Variants in DCDC1 observed in about 807,000 individuals in gnomAD.
DCDC1 encodes the protein doublecortin domain-containing protein 1.
DCDC1 carries 200 observed loss-of-function variants against 178.3 expected under a neutral mutation model. The ratio of observed to expected loss-of-function variants is 1.12; its 90% CI spans 1.00 to 1.26. The LOEUF (loss-of-function observed/expected upper bound fraction) is 1.26, where lower values mean the gene tolerates loss of function less well. Ranked by LOEUF, DCDC1 falls within the 50% of genes most tolerant of loss-of-function variation. The pLI is 0.00. For missense variants in DCDC1, 1,983 were observed against 1,749.2 expected (o/e 1.13, Z -2.38); for synonymous variants, 690 against 604.8 (o/e 1.14, Z -2.07).
intron 34 of DCDC1, among the ~76,000 whole-genome samples, chr11:30,898,931 C>T (rs2134094972): frequency 6.6e-6 from 1 of 152,230 alleles, no homozygotes; most frequent in East Asian, 1.9e-4. Context: ...ATTTGTATCT[C>T]AAGTCCTGGG....
chr11:31,271,869 G>A (rs554088032), intron 7 of DCDC1, among the ~76,000 whole-genome samples: 8 of 151,988 alleles, frequency 5.3e-5, no homozygotes, highest in South Asian at 2.1e-4. Flanking sequence ...CTTATAAAAC[G>A]ATCAGACCTC....
chr11:31,325,904 A>C (rs1157949581), intron 3 of DCDC1, among the ~76,000 whole-genome samples: 1 of 152,070 alleles, frequency 6.6e-6, no homozygotes, highest in African/African-American at 2.4e-5. Flanking sequence ...AACCTCAATC[A>C]GGGGGGAAAT....
intron 37 of DCDC1, among the ~76,000 whole-genome samples, chr11:30,879,713 T>C (rs76756443): frequency 0.017 from 2,650 of 152,294 alleles, 80 homozygotes; most frequent in African/African-American, 0.061. Context: ...AAGAGCAATA[T>C]TTGCATTTCC....
intron 20 of DCDC1, among the ~76,000 whole-genome samples, chr11:31,004,191 T>C (rs1287098783): frequency 6.6e-6 from 1 of 152,222 alleles, no homozygotes; most frequent in African/African-American, 2.4e-5. Flanking sequence ...ACAACACATT[T>C]AGTTTTATGC....
At chr11:31,177,000 A>C (rs1319268823) in intron 9 of DCDC1, among the ~76,000 whole-genome samples, 1 of 152,180 alleles carries the variant, frequency 6.6e-6, no homozygotes, top group Non-Finnish European at 1.5e-5. Flanking sequence ...AATCAAACTC[A>C]TAATACCCCA....
chr11:31,197,234 C>T (rs567944745), intron 9 of DCDC1, among the ~76,000 whole-genome samples: 73 of 152,084 alleles, frequency 4.8e-4, no homozygotes, highest in Middle Eastern at 6.8e-3. Context: ...ACTACACATT[C>T]AACATAAAAA....
At chr11:30,963,813 T>C (rs1011738745) in intron 20 of DCDC1, among the ~76,000 whole-genome samples, 5 of 152,130 alleles carry the variant, frequency 3.3e-5, no homozygotes, top group Admixed American at 1.3e-4. Flanking sequence ...TAGTATAATC[T>C]TGGGTTTTTT....
intron 9 of DCDC1, among the ~76,000 whole-genome samples, chr11:31,224,702 T>C (rs1338289289): frequency 6.6e-6 from 1 of 151,822 alleles, no homozygotes; most frequent in African/African-American, 2.4e-5. Flanking sequence ...GAAAAGGACA[T>C]AAATAGACAA....
intron 20 of DCDC1, among the ~76,000 whole-genome samples, chr11:31,027,290 T>C (rs766667693): frequency 5.9e-5 from 9 of 151,868 alleles, no homozygotes; most frequent in Non-Finnish European, 1.3e-4. Flanking sequence ...ATAATATTCA[T>C]GTTGCCTAAA....
At chr11:30,983,563 TATC>T (rs1481386925) in intron 20 of DCDC1, among the ~76,000 whole-genome samples, 1 of 152,202 alleles carries the variant, frequency 6.6e-6, no homozygotes, top group African/African-American at 2.4e-5. Flanking sequence ...TTTTTTCAAA[TATC>T]ATTATTCAGA....
chr11:31,233,351 C>T (rs1276619188), intron 9 of DCDC1, among the ~76,000 whole-genome samples: 1 of 152,108 alleles, frequency 6.6e-6, no homozygotes, highest in African/African-American at 2.4e-5. Context: ...TGCTTTGTCT[C>T]CAAAACAAGA....
intron 9 of DCDC1, among the ~76,000 whole-genome samples, chr11:31,151,047 T>C (rs908450698): frequency 6.6e-6 from 1 of 152,212 alleles, no homozygotes; most frequent in African/African-American, 2.4e-5. Context: ...CTGCCTACTC[T>C]GTCACACTGT....
chr11:31,298,315 C>G (rs1476559116), intron 6 of DCDC1, among the ~76,000 whole-genome samples: 1 of 152,186 alleles, frequency 6.6e-6, no homozygotes, highest in Non-Finnish European at 1.5e-5. Context: ...TCTAAATATG[C>G]TAGCCACACC....
At chr11:31,355,230 G>C (rs897308422) in intron 1 of DCDC1, among the ~76,000 whole-genome samples, 1 of 152,136 alleles carries the variant, frequency 6.6e-6, no homozygotes, top group East Asian at 1.9e-4. Flanking sequence ...TCAATTGTGA[G>C]GAGTCAAGGG....
At chr11:31,039,160 G>T (rs932120017) in intron 20 of DCDC1, among the ~76,000 whole-genome samples, 2 of 152,186 alleles carry the variant, frequency 1.3e-5, no homozygotes, top group East Asian at 3.9e-4. Flanking sequence ...CTCTATGACA[G>T]GTAATGTATG....
At chr11:31,221,207 T>C (rs1974223143) in intron 9 of DCDC1, among the ~76,000 whole-genome samples, 1 of 152,036 alleles carries the variant, frequency 6.6e-6, no homozygotes. Context: ...AAGTCTAGAG[T>C]CTCAAGTAAA....
At chr11:31,007,650 GGA>G (rs1398874333) in intron 20 of DCDC1, among the ~76,000 whole-genome samples, 1 of 151,666 alleles carries the variant, frequency 6.6e-6, no homozygotes, top group Admixed American at 6.6e-5. Context: ...CTTCTGTTTA[GGA>G]GAAAATAGGC....
intron 20 of DCDC1, among the ~76,000 whole-genome samples, chr11:30,961,608 T>C (rs967304597): frequency 1.2e-4 from 19 of 152,070 alleles, no homozygotes; most frequent in African/African-American, 3.9e-4. Context: ...TTAGAATGTA[T>C]TTATAATGAA....
chr11:30,893,721 CA>C (rs1372187740), intron 35 of DCDC1, among the ~76,000 whole-genome samples: 2 of 152,050 alleles, frequency 1.3e-5, no homozygotes, highest in African/African-American at 2.4e-5. Context: ...CTTCACAAAG[CA>C]AAAAAGTTTT....
Sources: gnomAD v4.1 joint callset for allele counts (sites outside exome capture counted in the v4.1 genomes callset) on GRCh38, gnomAD v4.1.1 for gene constraint, MANE v1.5 for transcripts, NCBI Gene and HGNC (gene_info 2026-07-23, HGNC 2026-07-21) for gene names.